Variants in TMEM132C observed in about 807,000 individuals in gnomAD.
The protein encoded by TMEM132C is protein phosphatase 1, regulatory subunit 152.
TMEM132C carries 29 observed loss-of-function variants against 61.4 expected under a neutral mutation model. The ratio of observed to expected loss-of-function variants is 0.47; its 90% CI spans 0.35 to 0.64. The LOEUF (loss-of-function observed/expected upper bound fraction) is 0.64. TMEM132C is among the 30% of genes least tolerant of loss of function. The pLI, the probability that TMEM132C is intolerant of heterozygous loss-of-function variation, is 0.00. For synonymous variants in TMEM132C, 656 were observed against 633.1 expected, an observed-to-expected ratio of 1.04 and a Z score of -0.54; for missense variants, 1,408 against 1,476.9, an observed-to-expected ratio of 0.95 and a Z score of 0.76.
chr12:128,654,129 CT>C (rs1954301004), intron 4 of TMEM132C, among the ~76,000 whole-genome samples: 1 of 152,210 alleles, frequency 6.6e-6, no homozygotes, highest in Admixed American at 6.5e-5. Context: ...TCCTCAGTAC[CT>C]GTGAATCTGA....
At chr12:128,586,652 A>G (rs1431643266) in intron 3 of TMEM132C, among the ~76,000 whole-genome samples, 37 of 152,208 alleles carry the variant, frequency 2.4e-4, no homozygotes, top group Admixed American at 2.4e-3. Context: ...TCTGTCTCTC[A>G]AAACAACTGT....
chr12:128,368,855 G>A (rs1417128128), intron 1 of TMEM132C, among the ~76,000 whole-genome samples: 1 of 152,178 alleles, frequency 6.6e-6, no homozygotes, highest in African/African-American at 2.4e-5. Flanking sequence ...GCAGCTTAGA[G>A]GAAGGCACAC....
At chr12:128,366,848 G>A (rs893239858) in intron 1 of TMEM132C, among the ~76,000 whole-genome samples, 5 of 152,168 alleles carry the variant, frequency 3.3e-5, no homozygotes, top group African/African-American at 4.8e-5. Flanking sequence ...GTCCTGAGTC[G>A]GAAAGACAGG....
At chr12:128,645,756 C>G (rs1954191649) in intron 4 of TMEM132C, among the ~76,000 whole-genome samples, 1 of 152,244 alleles carries the variant, frequency 6.6e-6, no homozygotes, top group South Asian at 2.1e-4. Flanking sequence ...CTCAGTCCAT[C>G]AGCGTTGGAT....
At position 128,320,812 on chromosome 12, in the gene TMEM132C, C is replaced by A. The variant is rs76787367; in HGVS notation, c.85+53325C>A. On this transcript the variant is annotated intron_variant, in intron 1 of 8. Transcript: ENST00000435159. ...AAACAAAAAAAGGTGAAGATAAATA[C>A]AAAAAAAAAAAGAAAGAAAAAGGTG... 1.6e-3 allele frequency among the ~76,000 whole-genome samples: 202 copies of A among 129,128 alleles called. 1 individual carries two copies. The highest frequency in any genetic ancestry group is 0.013 in the South Asian group (53 of 4,138). The allele number at this position is 129,128 out of a possible 152,430, so 84.7% of individuals were successfully genotyped here. A position where few individuals can be genotyped will look rare whatever the true frequency, so the allele number is the denominator to read the frequency against.
chr12:128,665,847 A>ACT (rs1954460288), intron 4 of TMEM132C, among the ~76,000 whole-genome samples: 1 of 137,820 alleles, frequency 7.3e-6, no homozygotes, highest in African/African-American at 3.0e-5. Context: ...AAACACAGGC[A>ACT]CACACACACA....
At chr12:128,653,785 C>T (rs984273223) in intron 4 of TMEM132C, among the ~76,000 whole-genome samples, 2 of 152,148 alleles carry the variant, frequency 1.3e-5, no homozygotes, top group Admixed American at 6.5e-5. Flanking sequence ...CGAGGTGGCC[C>T]ATGTTAGGGT....
chr12:128,463,046 G>A (rs912265854), intron 2 of TMEM132C, among the ~76,000 whole-genome samples: 1 of 152,090 alleles, frequency 6.6e-6, no homozygotes, highest in Non-Finnish European at 1.5e-5. Context: ...ACTCCAAGCT[G>A]ACATTCAAGC....
Position 128,646,533 on chromosome 12 carries a change from G to A in TMEM132C, c.1306-22884G>A, listed in dbSNP as rs1429967441. Among the ~76,000 whole-genome samples, 6 of 152,172 alleles carry A rather than the reference G, an allele frequency of 3.9e-5. No individual in the cohort carries two copies. In the East Asian group the frequency reaches 1.2e-3, roughly 29 times the overall value. On this transcript the variant is annotated intron_variant, in intron 4 of 8. Coordinates refer to ENST00000435159, the MANE Select transcript of TMEM132C (RefSeq NM_001136103.3). ...GAGTCCATCAGCGCTGGATGTGAGTGTGTTTACTGGAGTCCATCAGCATTG... is the reference window on the plus strand; with the variant it reads ...GAGTCCATCAGCGCTGGATGTGAGTATGTTTACTGGAGTCCATCAGCATTG...
Position 128,707,866 on chromosome 12 carries a change from A to G in TMEM132C, c.*1571A>G, listed in dbSNP as rs906148511. The G allele has an allele frequency of 6.6e-6, 1 of 152,076 alleles. No homozygotes were observed. The highest frequency in any genetic ancestry group is 6.5e-5 in the Admixed American group (1 of 15,270). The allele number at this position is 152,076 out of a possible 1,614,324, so 9.4% of individuals were successfully genotyped here. A position where few individuals can be genotyped will look rare whatever the true frequency, so the allele number is the denominator to read the frequency against. ...TGGAAAGAAGAAGATATTTATTTAT[A>G]CCTGTGATGCCAATTGTCATTAAAA... On this transcript the variant is annotated 3_prime_UTR_variant, in exon 9 of 9. Coordinates refer to ENST00000435159, the MANE Select transcript of TMEM132C (RefSeq NM_001136103.3).
intron 3 of TMEM132C, among the ~76,000 whole-genome samples, chr12:128,610,630 C>T (rs1056859743): frequency 3.3e-5 from 5 of 152,198 alleles, no homozygotes; most frequent in Admixed American, 1.3e-4. Flanking sequence ...AACAACATCA[C>T]AAGCCCCATA....
intron 4 of TMEM132C, among the ~76,000 whole-genome samples, chr12:128,625,162 C>G (rs919492406): frequency 2.0e-5 from 3 of 152,224 alleles, no homozygotes; most frequent in Non-Finnish European, 4.4e-5. Context: ...CACTTAACCT[C>G]TAACTGAAAC....
chr12:128,283,516 C>T (rs1165552149), intron 1 of TMEM132C, among the ~76,000 whole-genome samples: 1 of 152,042 alleles, frequency 6.6e-6, no homozygotes, highest in African/African-American at 2.4e-5. Flanking sequence ...ATCTACTGTT[C>T]TGTATCTAGG....
At chr12:128,662,921 G>A (rs1189454773) in intron 4 of TMEM132C, among the ~76,000 whole-genome samples, 3 of 152,100 alleles carry the variant, frequency 2.0e-5, no homozygotes, top group Non-Finnish European at 2.9e-5. Flanking sequence ...TCTGAGCCAC[G>A]AATGTGTCTG....
intron 2 of TMEM132C, among the ~76,000 whole-genome samples, chr12:128,538,790 C>G (rs1370169551): frequency 2.6e-5 from 4 of 152,010 alleles, no homozygotes; most frequent in African/African-American, 9.7e-5. Context: ...TCTTTTCTCC[C>G]CCACATAAGT....
At chr12:128,379,399 ACCT>A (rs1874329829) in intron 1 of TMEM132C, among the ~76,000 whole-genome samples, 1 of 152,202 alleles carries the variant, frequency 6.6e-6, no homozygotes, top group African/African-American at 2.4e-5. Context: ...GCTTTTTACA[ACCT>A]ATTCCAGTTG....
intron 3 of TMEM132C, among the ~76,000 whole-genome samples, chr12:128,556,269 C>T (rs1467372341): frequency 2.0e-5 from 3 of 152,174 alleles, no homozygotes. Flanking sequence ...ATCATCCCAT[C>T]AAGACTACCT....
At chr12:128,527,137 AT>A (rs1238453570) in intron 2 of TMEM132C, among the ~76,000 whole-genome samples, 7 of 152,172 alleles carry the variant, frequency 4.6e-5, no homozygotes, top group Non-Finnish European at 1.0e-4. Context: ...TAAGAAAGAA[AT>A]TCAGGGAACT....
intron 1 of TMEM132C, among the ~76,000 whole-genome samples, chr12:128,412,912 T>A (rs1352458081): frequency 6.6e-6 from 1 of 152,160 alleles, no homozygotes; most frequent in Non-Finnish European, 1.5e-5. Flanking sequence ...TTATTGCAGT[T>A]CATGATACTC....
Sources: allele counts gnomAD v4.1 joint callset (sites outside exome capture counted in the v4.1 genomes callset), GRCh38; gene constraint gnomAD v4.1.1; transcripts MANE v1.5; gene names NCBI Gene and HGNC (gene_info 2026-07-23, HGNC 2026-07-21).